Variants in ZBTB20 observed in about 807,000 individuals in gnomAD.
The protein encoded by ZBTB20 is zinc finger and BTB domain-containing protein 20.
A neutral mutation model predicts 56.9 loss-of-function variants in ZBTB20; 9 were observed. The observed-to-expected ratio is 0.16, with a 90% CI of 0.10 to 0.28. The LOEUF is 0.28. Ranked by LOEUF, ZBTB20 falls within the 10% of genes least tolerant of loss-of-function variation. The probability of loss-of-function intolerance (pLI) is 1.00; values close to 1 mark genes in which losing one functional copy is unlikely to be tolerated. For synonymous variants in ZBTB20, 417 were observed against 420.7 expected (o/e 0.99, Z 0.11); for missense variants, 655 against 1,003.0 (o/e 0.65, Z 4.69).
intron 2 of ZBTB20, among the ~76,000 whole-genome samples, chr3:115,021,503 T>C (rs1385664476): frequency 6.6e-6 from 1 of 150,990 alleles, no homozygotes; most frequent in East Asian, 1.9e-4. Flanking sequence ...AATATTTATG[T>C]GTAATGAAGC....
chr3:114,655,413 C>T (rs1200482858), intron 6 of ZBTB20, among the ~76,000 whole-genome samples: 6 of 150,682 alleles, frequency 4.0e-5, no homozygotes, highest in Non-Finnish European at 7.4e-5. Context: ...CCACCGCGCC[C>T]GGCTAATTTT....
At chr3:114,390,000 C>T (rs961412038) in intron 7 of ZBTB20, among the ~76,000 whole-genome samples, 5 of 151,354 alleles carry the variant, frequency 3.3e-5, no homozygotes, top group Admixed American at 6.6e-5. Flanking sequence ...TTCTTATTAA[C>T]GATAGTCATG....
rs763814201 is a variant in ZBTB20 at position 114,351,045 on chromosome 3, C to T, written c.1033G>A (p.Val345Met). 1.2e-6 allele frequency: 2 copies of T among 1,611,970 alleles called. No individual in the cohort carries two copies. Among genetic ancestry groups the T allele is most frequent in the Admixed American group, 3.3e-5 (2 of 59,972 alleles). ...DDYDYYGQQR[V>M]QILERNESEE... ...GATTCGTTGCGTTCCAGGATCTGCACCCTTTGCTGCCCGTAGTAGTCGTAA... is the reference window on the plus strand; with the variant it reads ...GATTCGTTGCGTTCCAGGATCTGCATCCTTTGCTGCCCGTAGTAGTCGTAA... The change falls in exon 11 of 12, where the codon GTG becomes ATG. Residue 345 changes from valine to methionine, a missense_variant. Physicochemically the swap from Val to Met is conservative, Grantham distance 21. Transcript: ENST00000675478.
At chr3:115,064,232 C>A (rs2082119916) in intron 2 of ZBTB20, among the ~76,000 whole-genome samples, 2 of 152,060 alleles carry the variant, frequency 1.3e-5, no homozygotes, top group South Asian at 2.1e-4. Flanking sequence ...ATTTTAATCA[C>A]CTGTTTCCTG....
rs1452776054 is a variant in ZBTB20 at position 114,329,937 on chromosome 3, C to T, written c.*9068G>A. The T allele has an allele frequency of 6.6e-6, 1 of 152,128 alleles. No homozygotes were observed. Among genetic ancestry groups the T allele is most frequent in the Non-Finnish European group, 1.5e-5 (1 of 68,024 alleles). 9.4% of individuals were successfully genotyped at this position (152,128 alleles called of 1,614,324 possible). ...GAAGACTGGCCCTTTGAAACGCAGC[C>T]TGTTATTGTTGGTCAGATCATGTGG... is the stretch of plus-strand genomic sequence containing the variant. On this transcript the variant is annotated 3_prime_UTR_variant, in exon 12 of 12. Coordinates refer to ENST00000675478, the MANE Select transcript of ZBTB20 (RefSeq NM_001348800.3).
chr3:114,609,440 A>G (rs1226094471), intron 6 of ZBTB20, among the ~76,000 whole-genome samples: 1 of 152,234 alleles, frequency 6.6e-6, no homozygotes, highest in Admixed American at 6.5e-5. Context: ...GGCCTAGATT[A>G]AAAACACAAG....
intron 1 of ZBTB20, among the ~76,000 whole-genome samples, chr3:115,136,195 A>G (rs1194078920): frequency 6.6e-6 from 1 of 152,162 alleles, no homozygotes; most frequent in Admixed American, 6.5e-5. Context: ...GAATTTCATT[A>G]AGTACCTAAA....
intron 6 of ZBTB20, among the ~76,000 whole-genome samples, chr3:114,670,844 G>A (rs1158227071): frequency 6.6e-6 from 1 of 152,118 alleles, no homozygotes; most frequent in Non-Finnish European, 1.5e-5. Context: ...CCAACACAGA[G>A]AAAAGAGACA....
At chr3:115,093,491 T>G (rs1216391942) in intron 1 of ZBTB20, among the ~76,000 whole-genome samples, 2 of 152,206 alleles carry the variant, frequency 1.3e-5, no homozygotes, top group African/African-American at 2.4e-5. Flanking sequence ...AGCCATTATG[T>G]GAAACAACCT....
intron 4 of ZBTB20, among the ~76,000 whole-genome samples, chr3:114,887,720 T>C (rs1043220761): frequency 3.9e-5 from 6 of 152,186 alleles, no homozygotes; most frequent in South Asian, 2.1e-4. Context: ...TGTGAGAGAA[T>C]AAATTTCTGT....
At chr3:114,776,429 T>C (rs1479716898) in intron 5 of ZBTB20, among the ~76,000 whole-genome samples, 1 of 152,130 alleles carries the variant, frequency 6.6e-6, no homozygotes, top group Non-Finnish European at 1.5e-5. Context: ...AAGCTGAGAT[T>C]GCAGTGATGT....
At chr3:114,799,664 C>T (rs1383208771) in intron 5 of ZBTB20, among the ~76,000 whole-genome samples, 1 of 151,874 alleles carries the variant, frequency 6.6e-6, no homozygotes, top group Admixed American at 6.6e-5. Flanking sequence ...TCTTAGAGAC[C>T]TTACTGTCTG....
chr3:115,074,069 T>C (rs748856084), intron 1 of ZBTB20, among the ~76,000 whole-genome samples: 13 of 152,170 alleles, frequency 8.5e-5, no homozygotes, highest in Admixed American at 2.6e-4. Context: ...TCCACTATTA[T>C]AGCCTAGAAT....
intron 7 of ZBTB20, among the ~76,000 whole-genome samples, chr3:114,473,796 C>T (rs1046308581): frequency 6.6e-6 from 1 of 152,146 alleles, no homozygotes; most frequent in African/African-American, 2.4e-5. Flanking sequence ...GACCAGGGAT[C>T]TTGATCAATC....
At chr3:114,384,250 T>A (rs370264294) in intron 8 of ZBTB20, among the ~76,000 whole-genome samples, 3 of 149,946 alleles carry the variant, frequency 2.0e-5, no homozygotes, top group African/African-American at 7.4e-5. Flanking sequence ...AAAGCTCCAA[T>A]GAAAAAGTTA....
At chr3:114,967,661 A>T (rs1247033652) in intron 3 of ZBTB20, among the ~76,000 whole-genome samples, 1 of 152,224 alleles carries the variant, frequency 6.6e-6, no homozygotes, top group Non-Finnish European at 1.5e-5. Context: ...AAATACATTT[A>T]AAAAGTTGAT....
At chr3:114,600,681 T>C (rs2056691466) in intron 6 of ZBTB20, among the ~76,000 whole-genome samples, 1 of 152,022 alleles carries the variant, frequency 6.6e-6, no homozygotes, top group Non-Finnish European at 1.5e-5. Context: ...TTAGAAAATA[T>C]GTATTCTACT....
intron 4 of ZBTB20, among the ~76,000 whole-genome samples, chr3:114,802,654 A>T (rs1263462759): frequency 6.6e-6 from 1 of 151,890 alleles, no homozygotes; most frequent in East Asian, 1.9e-4. Context: ...AAATATTCAT[A>T]AAAGAAACTG....
chr3:114,720,925 G>T (rs138931840), intron 5 of ZBTB20, among the ~76,000 whole-genome samples: 224 of 152,194 alleles, frequency 1.5e-3, no homozygotes, highest in African/African-American at 5.0e-3. Context: ...CTGATATGTA[G>T]GCTGACAAAG....
Sources: allele counts gnomAD v4.1 joint callset (sites outside exome capture counted in the v4.1 genomes callset), GRCh38; gene constraint gnomAD v4.1.1; transcripts MANE v1.5; gene names NCBI Gene and HGNC (gene_info 2026-07-23, HGNC 2026-07-21).